The following RALYL variants were observed in gnomAD, a reference collection of about 807,000 sequenced individuals.
RALYL encodes the protein RNA-binding Raly-like protein.
A neutral mutation model predicts 35.1 loss-of-function variants in RALYL; 29 were observed. The observed-to-expected ratio is 0.83, with a 90% CI of 0.61 to 1.13. RALYL has a LOEUF of 1.13. RALYL is among the 50% of genes most tolerant of loss of function. The pLI, the probability that RALYL is intolerant of heterozygous loss-of-function variation, is 0.00. For missense variants in RALYL, 359 were observed against 360.4 expected, an observed-to-expected ratio of 1.00 and a Z score of 0.03; for synonymous variants, 120 against 127.6, an observed-to-expected ratio of 0.94 and a Z score of 0.40.
At chr8:84,840,675 CA>C (rs1833063119) in intron 4 of RALYL, among the ~76,000 whole-genome samples, 1 of 152,054 alleles carries the variant, frequency 6.6e-6, no homozygotes, top group Non-Finnish European at 1.5e-5. Context: ...TCAGATTCAC[CA>C]AATTTGAAAT....
chr8:84,545,726 AC>A (rs2060311410), intron 2 of RALYL, among the ~76,000 whole-genome samples: 1 of 152,004 alleles, frequency 6.6e-6, no homozygotes, highest in African/African-American at 2.4e-5. Flanking sequence ...TTTATATCTT[AC>A]AACTGATTTT....
intron 1 of RALYL, among the ~76,000 whole-genome samples, chr8:84,309,662 G>A (rs970502966): frequency 6.6e-6 from 1 of 151,926 alleles, no homozygotes; most frequent in African/African-American, 2.4e-5. Flanking sequence ...TATAATTTAT[G>A]GAAACATGGA....
At chr8:84,376,026 A>G (rs1290562987) in intron 1 of RALYL, among the ~76,000 whole-genome samples, 1 of 151,914 alleles carries the variant, frequency 6.6e-6, no homozygotes, top group Non-Finnish European at 1.5e-5. Context: ...TATTTGAAGA[A>G]TAAGTAAGTC....
At chr8:84,440,054 C>T (rs766324394) in intron 1 of RALYL, among the ~76,000 whole-genome samples, 12 of 152,024 alleles carry the variant, frequency 7.9e-5, no homozygotes, top group Non-Finnish European at 1.3e-4. Flanking sequence ...TATTATTTTA[C>T]ATTTGTAAGT....
intron 2 of RALYL, among the ~76,000 whole-genome samples, chr8:84,653,822 G>T (rs1051338990): frequency 1.3e-5 from 2 of 150,814 alleles, no homozygotes; most frequent in African/African-American, 4.9e-5. Context: ...GTTCTATGGA[G>T]AATATTAAAG....
chr8:84,599,102 C>A (rs184787692), intron 2 of RALYL, among the ~76,000 whole-genome samples: 1 of 152,070 alleles, frequency 6.6e-6, no homozygotes, highest in Admixed American at 6.5e-5. Flanking sequence ...AAACATATAA[C>A]CTTAAGATTA....
chr8:84,357,340 G>A (rs980940169), intron 1 of RALYL, among the ~76,000 whole-genome samples: 1 of 151,996 alleles, frequency 6.6e-6, no homozygotes. Context: ...GATTTTGAGT[G>A]GCATCTCATG....
At chr8:84,353,499 C>T (rs1316279823) in intron 1 of RALYL, among the ~76,000 whole-genome samples, 1 of 150,336 alleles carries the variant, frequency 6.7e-6, no homozygotes, top group Non-Finnish European at 1.5e-5. Flanking sequence ...ATCCCTTCAC[C>T]TAAATAGATT....
At chr8:84,795,567 G>A (rs987913494) in intron 3 of RALYL, among the ~76,000 whole-genome samples, 2 of 152,150 alleles carry the variant, frequency 1.3e-5, no homozygotes, top group African/African-American at 4.8e-5. Flanking sequence ...CTATATGTCT[G>A]GAAATCTAAG....
chr8:84,377,454 T>TTG lies in RALYL; in HGVS notation c.-23-151844_-23-151843insGT, dbSNP rs1161648096. On this transcript the variant is annotated intron_variant, in intron 1 of 8. Coordinates refer to ENST00000521268, the MANE Select transcript of RALYL (RefSeq NM_173848.7). ...GAGATATCATCAAAGGTTAACTGTT[T>TTG]TTTTTTTTTTTTTTTTTTTTTCTTA... Among the ~76,000 whole-genome samples the TTG allele has an allele frequency of 1.3e-4, 18 of 141,904 alleles. No homozygotes were observed. In the East Asian group the frequency reaches 1.8e-3, roughly 14 times the overall value. 93.1% of individuals were successfully genotyped at this position (141,904 alleles called of 152,430 possible). A position where few individuals can be genotyped will look rare whatever the true frequency, so the allele number is the denominator to read the frequency against.
intron 1 of RALYL, among the ~76,000 whole-genome samples, chr8:84,280,381 T>C (rs1019565880): frequency 6.6e-6 from 1 of 152,142 alleles, no homozygotes; most frequent in Non-Finnish European, 1.5e-5. Context: ...CAGATATTTT[T>C]AAAATTTCAT....
chr8:84,365,356 T>C (rs2131327058), intron 1 of RALYL, among the ~76,000 whole-genome samples: 1 of 152,290 alleles, frequency 6.6e-6, no homozygotes, highest in South Asian at 2.1e-4. Flanking sequence ...TCAAATTGTG[T>C]TAATGACCTA....
chr8:84,717,950 C>G (rs537759396), intron 2 of RALYL, among the ~76,000 whole-genome samples: 1 of 152,212 alleles, frequency 6.6e-6, no homozygotes, highest in Admixed American at 6.5e-5. Context: ...GGTAATAAAA[C>G]TAGTTTAAGG....
At chr8:84,413,333 G>T (rs1295505239) in intron 1 of RALYL, among the ~76,000 whole-genome samples, 1 of 150,722 alleles carries the variant, frequency 6.6e-6, no homozygotes. Flanking sequence ...TGACTATTAT[G>T]TATTTTTATT....
At chr8:84,259,714 C>T (rs1452104712) in intron 1 of RALYL, among the ~76,000 whole-genome samples, 1 of 151,800 alleles carries the variant, frequency 6.6e-6, no homozygotes, top group Non-Finnish European at 1.5e-5. Flanking sequence ...TCTTTTTATC[C>T]CACCTTTAAT....
chr8:84,324,538 T>G (rs1231028396), intron 1 of RALYL, among the ~76,000 whole-genome samples: 1 of 152,096 alleles, frequency 6.6e-6, no homozygotes, highest in African/African-American at 2.4e-5. Context: ...ACGAGGAATA[T>G]ATTCCTTTAG....
intron 1 of RALYL, among the ~76,000 whole-genome samples, chr8:84,466,450 G>C (rs1486106155): frequency 1.3e-5 from 2 of 150,090 alleles, no homozygotes; most frequent in East Asian, 3.9e-4. Context: ...TACATTTCTT[G>C]ATTTGCGTAT....
At chr8:84,657,902 G>T (rs1204757603) in intron 2 of RALYL, among the ~76,000 whole-genome samples, 1 of 152,108 alleles carries the variant, frequency 6.6e-6, no homozygotes, top group African/African-American at 2.4e-5. Flanking sequence ...CTTTTACTTT[G>T]TTAAGTACAC....
intron 2 of RALYL, among the ~76,000 whole-genome samples, chr8:84,766,413 G>A (rs1813978740): frequency 6.6e-6 from 1 of 151,830 alleles, no homozygotes; most frequent in Non-Finnish European, 1.5e-5. Context: ...ACATCTCCCA[G>A]CCAGGCGTGG....
Sources: gnomAD v4.1 joint callset for allele counts (sites outside exome capture counted in the v4.1 genomes callset) on GRCh38, gnomAD v4.1.1 for gene constraint, MANE v1.5 for transcripts, NCBI Gene and HGNC (gene_info 2026-07-23, HGNC 2026-07-21) for gene names.